BLTP3B: variants seen among roughly 807,000 people sequenced by gnomAD.
BLTP3B encodes bridge-like lipid transfer protein family member 3B.
At chr12:100,088,949 T>A in the BLTP3B span, 2 of 1,607,868 alleles carry the variant, frequency 1.2e-6, no homozygotes, top group African/African-American at 2.7e-5. Context: ...CACATATGTG[T>A]AGATCTAGAT....
At chr12:100,083,248 A>G in the BLTP3B span, 18 of 685,752 alleles carry the variant, frequency 2.6e-5, no homozygotes, top group East Asian at 4.1e-4. Context: ...CTCAAACAAG[A>G]TAATATTTGT....
At chr12:100,081,098 C>T in the BLTP3B span, among the ~76,000 whole-genome samples, 4 of 152,126 alleles carry the variant, frequency 2.6e-5, no homozygotes, top group African/African-American at 4.8e-5. Flanking sequence ...TCCTCCTTGC[C>T]TTCCGCCATG....
the BLTP3B span, among the ~76,000 whole-genome samples, chr12:100,127,157 G>A: frequency 1.3e-5 from 2 of 151,972 alleles, no homozygotes; most frequent in African/African-American, 2.4e-5. Flanking sequence ...GCGTCTCAGA[G>A]GATTTGCTAG....
At chr12:100,077,351 A>G in the BLTP3B span, among the ~76,000 whole-genome samples, 1 of 152,230 alleles carries the variant, frequency 6.6e-6, no homozygotes, top group Non-Finnish European at 1.5e-5. Context: ...GCTACATACC[A>G]TCTAAGTACA....
the BLTP3B span, chr12:100,095,842 AG>A: frequency 6.4e-7 from 1 of 1,570,106 alleles, no homozygotes; most frequent in Non-Finnish European, 8.6e-7. Flanking sequence ...CTTTAACTGT[AG>A]GAAAAAAAAA....
chr12:100,080,860 A>C, the BLTP3B span, among the ~76,000 whole-genome samples: 2 of 145,598 alleles, frequency 1.4e-5, no homozygotes, highest in Non-Finnish European at 3.1e-5. Context: ...TCCCCACCCA[A>C]ATTTCACCTT....
chr12:100,061,656 CAAA>C, the BLTP3B span, among the ~76,000 whole-genome samples: 4 of 67,306 alleles, frequency 5.9e-5, no homozygotes, highest in Admixed American at 1.6e-4. Flanking sequence ...GACTCCGTCT[CAAA>C]AAAAAAAAAA....
chr12:100,039,903 G>T, the BLTP3B span: 1 of 911,922 alleles, frequency 1.1e-6, no homozygotes, highest in Non-Finnish European at 1.5e-6. Context: ...TTAGTTATGA[G>T]GATAGTAGTA....
At chr12:100,132,525 A>C in the BLTP3B span, among the ~76,000 whole-genome samples, 3 of 152,206 alleles carry the variant, frequency 2.0e-5, no homozygotes, top group Non-Finnish European at 4.4e-5. Context: ...TTAAGTGTCC[A>C]CTTCCCCTTA....
chr12:100,070,118 C>A, the BLTP3B span: 16 of 1,527,838 alleles, frequency 1.0e-5, no homozygotes, highest in Non-Finnish European at 1.3e-5. Context: ...AGATGCAGAG[C>A]AGATGTCTTC....
chr12:100,037,377 T>C, the BLTP3B span: 1 of 1,128,554 alleles, frequency 8.9e-7, no homozygotes, highest in Non-Finnish European at 1.1e-6. Context: ...GTAATTATTT[T>C]ACACTATGTG....
At chr12:100,078,328 C>A in the BLTP3B span, among the ~76,000 whole-genome samples, 1 of 152,152 alleles carries the variant, frequency 6.6e-6, no homozygotes, top group African/African-American at 2.4e-5. Flanking sequence ...CCTGAGGCCT[C>A]CTCCCCAGAA....
chr12:100,078,616 A>C, the BLTP3B span, among the ~76,000 whole-genome samples: 46 of 152,312 alleles, frequency 3.0e-4, no homozygotes, highest in African/African-American at 1.1e-3. Flanking sequence ...CCTCATGACC[A>C]ATACTTCATG....
the BLTP3B span, among the ~76,000 whole-genome samples, chr12:100,126,888 A>G: frequency 6.6e-6 from 1 of 152,222 alleles, no homozygotes; most frequent in African/African-American, 2.4e-5. Context: ...GATAAAGAAG[A>G]TAAGTTCAAT....
chr12:100,072,629 C>G, the BLTP3B span: 1 of 1,408,656 alleles, frequency 7.1e-7, no homozygotes, highest in Non-Finnish European at 9.4e-7. Flanking sequence ...GAAAAAAATA[C>G]TTTCTCAAAT....
chr12:100,050,193 C>A, the BLTP3B span: 1 of 1,565,678 alleles, frequency 6.4e-7, no homozygotes, highest in Non-Finnish European at 8.6e-7. Context: ...AAAGGTAATG[C>A]CGAAGGCTGA....
the BLTP3B span, among the ~76,000 whole-genome samples, chr12:100,073,292 T>C: frequency 0.017 from 2,610 of 151,800 alleles, 70 homozygotes; most frequent in African/African-American, 0.057. Context: ...AGACAAATAA[T>C]GGTACTGGTT....
At chr12:100,085,983 C>T in the BLTP3B span, among the ~76,000 whole-genome samples, 1 of 151,974 alleles carries the variant, frequency 6.6e-6, no homozygotes, top group Non-Finnish European at 1.5e-5. Flanking sequence ...ACAGCACAAA[C>T]ACATGTCCTC....
chr12:100,084,144 A>G, the BLTP3B span, among the ~76,000 whole-genome samples: 2 of 151,258 alleles, frequency 1.3e-5, no homozygotes, highest in African/African-American at 2.4e-5. Flanking sequence ...AGCCGAGATC[A>G]CACCACTGCA....
Sources: allele counts gnomAD v4.1 joint callset (sites outside exome capture counted in the v4.1 genomes callset), GRCh38; gene constraint gnomAD v4.1.1; transcripts MANE v1.5; gene names NCBI Gene and HGNC (gene_info 2026-07-23, HGNC 2026-07-21).